The following SLC4A10 variants were observed in gnomAD, a reference collection of about 807,000 sequenced individuals.
The protein encoded by SLC4A10 is sodium-driven chloride bicarbonate exchanger.
In SLC4A10, 42 loss-of-function variants were observed where a neutral mutation model predicts 137.7. That is an observed-to-expected ratio of 0.30 (90% CI 0.24 to 0.39). The LOEUF (loss-of-function observed/expected upper bound fraction) is 0.39, where lower values mean the gene tolerates loss of function less well. Ranked by LOEUF, SLC4A10 falls within the 10% of genes least tolerant of loss-of-function variation. SLC4A10 has a pLI of 1.00. For synonymous variants in SLC4A10, 474 were observed against 464.1 expected (o/e 1.02, Z -0.27); for missense variants, 925 against 1,355.0 (o/e 0.68, Z 4.98).
intron 1 of SLC4A10, among the ~76,000 whole-genome samples, chr2:161,681,738 A>G (rs924935933): frequency 2.0e-5 from 3 of 152,034 alleles, no homozygotes; most frequent in Non-Finnish European, 1.5e-5. Flanking sequence ...TTACATTTTA[A>G]TCTTCTGATG....
intron 13 of SLC4A10, 40 bp from the exon 14 acceptor site, chr2:161,904,736 G>T: frequency 6.2e-7 from 1 of 1,611,306 alleles, no homozygotes; most frequent in Non-Finnish European, 8.5e-7. Flanking sequence ...ATGGCCTCCT[G>T]TACAGCTTAG....
intron 1 of SLC4A10, among the ~76,000 whole-genome samples, chr2:161,753,859 T>G (rs182585050): frequency 8.1e-4 from 108 of 133,582 alleles, no homozygotes; most frequent in Admixed American, 3.3e-3. Context: ...ACTCGAGTTA[T>G]TTATTTATTT....
At chr2:161,895,361 C>T (rs1277842050) in intron 11 of SLC4A10, among the ~76,000 whole-genome samples, 24 of 151,988 alleles carry the variant, frequency 1.6e-4, no homozygotes, top group African/African-American at 4.6e-4. Context: ...TGAATAGTGC[C>T]GCAATAAACA....
intron 12 of SLC4A10, 187 bp downstream of exon 12, chr2:161,901,198 A>G (rs1683035543): frequency 3.4e-6 from 2 of 583,414 alleles, no homozygotes; most frequent in East Asian, 3.0e-5. Flanking sequence ...AAACTAAAAC[A>G]GTGGATACAC....
chr2:161,645,302 A>G (rs1425935776), intron 1 of SLC4A10, among the ~76,000 whole-genome samples: 1 of 151,970 alleles, frequency 6.6e-6, no homozygotes, highest in Non-Finnish European at 1.5e-5. Flanking sequence ...TAAAAATTCC[A>G]AATATAGTAG....
intron 2 of SLC4A10, among the ~76,000 whole-genome samples, chr2:161,780,752 A>G (rs895438107): frequency 6.6e-5 from 10 of 152,050 alleles, no homozygotes; most frequent in Non-Finnish European, 1.3e-4. Flanking sequence ...TAATTCAAAT[A>G]GAATATAGTT....
At chr2:161,973,819 C>A (rs1327089161) in intron 23 of SLC4A10, among the ~76,000 whole-genome samples, 47 of 152,156 alleles carry the variant, frequency 3.1e-4, no homozygotes. Context: ...TCAGGGGATT[C>A]CGATGTAAAC....
At chr2:161,777,300 A>G (rs939018815) in intron 2 of SLC4A10, among the ~76,000 whole-genome samples, 3 of 151,792 alleles carry the variant, frequency 2.0e-5, no homozygotes, top group Non-Finnish European at 2.9e-5. Context: ...CTCCTATTCT[A>G]TATGTTGCCT....
chr2:161,904,010 TG>T lies in SLC4A10; in HGVS notation c.1454del (p.Gly485AspfsTer4). ...GTTTTCCCCCCTGTCTTAGGATTTT[TG>T]GGGGACTTATTTTAGATATCAAAAG... Reference protein sequence around the residue: ...PELQRTGRIFGGLILDIKRKA... With the variant: ...PELQRTGRIFXGLILDIKRKA... On this transcript the variant is annotated frameshift_variant, in exon 13 of 27. Transcript: ENST00000446997. LOFTEE classifies it high-confidence loss of function. The T allele has an allele frequency of 6.4e-7, 1 of 1,572,662 alleles. No individual in the cohort carries two copies. The highest frequency in any genetic ancestry group is 8.6e-7 in the Non-Finnish European group (1 of 1,157,174).
intron 1 of SLC4A10, among the ~76,000 whole-genome samples, chr2:161,733,202 T>C (rs1275505894): frequency 6.6e-6 from 1 of 151,890 alleles, no homozygotes; most frequent in Non-Finnish European, 1.5e-5. Context: ...ATGTCAGAGG[T>C]CTTTATGGTA....
intron 2 of SLC4A10, among the ~76,000 whole-genome samples, chr2:161,798,021 AC>A (rs200816773): frequency 0.022 from 3,296 of 152,130 alleles, 346 homozygotes; most frequent in Admixed American, 0.19. Flanking sequence ...GCAAAACAAC[AC>A]AAGGAACAAT....
chr2:161,931,114 A>C (rs1361330794), intron 15 of SLC4A10: 1 of 152,174 alleles, frequency 6.6e-6, no homozygotes, highest in African/African-American at 2.4e-5. Flanking sequence ...TATTTTCAGC[A>C]GAAAGGGGGT....
In SLC4A10 at chr2:161,638,004, T is replaced by A. The variant is rs142521479; in HGVS notation, c.48+13438T>A. Among the ~76,000 whole-genome samples the A allele has an allele frequency of 3.0e-4, 46 of 152,310 alleles. No homozygotes were observed. The East Asian group carries it at 8.3e-3, about 27-fold the overall frequency. ...GATTTAATTTTTTGCTATTTAATTG[T>A]TTGAGTTTCTTATAAATTCTGGATA... On this transcript the variant is annotated intron_variant, in intron 1 of 26. Transcript: ENST00000446997.
chr2:161,878,381 G>T (rs2061561264), intron 8 of SLC4A10, among the ~76,000 whole-genome samples: 1 of 152,164 alleles, frequency 6.6e-6, no homozygotes, highest in Non-Finnish European at 1.5e-5. Flanking sequence ...GATATTTATT[G>T]TTAAGGATAT....
chr2:161,909,087 TG>T (rs1685182918), intron 15 of SLC4A10, among the ~76,000 whole-genome samples: 2 of 46,360 alleles, frequency 4.3e-5, no homozygotes, highest in African/African-American at 1.9e-4. Context: ...TGTTGTGGGG[TG>T]GGGGGAGGGG....
At chr2:161,914,581 A>C (rs1180458727) in intron 15 of SLC4A10, among the ~76,000 whole-genome samples, 1 of 152,196 alleles carries the variant, frequency 6.6e-6, no homozygotes, top group East Asian at 1.9e-4. Context: ...AAGATGATCA[A>C]TAGGAGGCTA....
chr2:161,711,671 A>C (rs919428163), intron 1 of SLC4A10, among the ~76,000 whole-genome samples: 5 of 151,740 alleles, frequency 3.3e-5, no homozygotes, highest in African/African-American at 1.2e-4. Flanking sequence ...CTTGTATTAG[A>C]GCAATAGAAA....
chr2:161,673,808 A>T (rs1574266444), intron 1 of SLC4A10, among the ~76,000 whole-genome samples: 1 of 152,006 alleles, frequency 6.6e-6, no homozygotes, highest in Non-Finnish European at 1.5e-5. Context: ...TGGCTAACAT[A>T]GTGAAACCCA....
At chr2:161,637,375 A>T (rs1216046408) in intron 1 of SLC4A10, among the ~76,000 whole-genome samples, 1 of 151,116 alleles carries the variant, frequency 6.6e-6, no homozygotes, top group Non-Finnish European at 1.5e-5. Context: ...TTTTTTTTGT[A>T]TTTTTAGTAG....
Sources: gnomAD v4.1 joint callset for allele counts (sites outside exome capture counted in the v4.1 genomes callset) on GRCh38, gnomAD v4.1.1 for gene constraint, MANE v1.5 for transcripts, NCBI Gene and HGNC (gene_info 2026-07-23, HGNC 2026-07-21) for gene names.